Variants in MGAM observed in about 807,000 individuals in gnomAD.
MGAM encodes alpha-1,4-glucosidase.
A neutral mutation model predicts 358.8 loss-of-function variants in MGAM; 253 were observed. That is an observed-to-expected ratio of 0.71 (90% confidence interval 0.64 to 0.78). The LOEUF (loss-of-function observed/expected upper bound fraction) is 0.78, where lower values mean the gene tolerates loss of function less well. MGAM is among the 30% of genes least tolerant of loss of function. The pLI is 0.00. For synonymous variants in MGAM, 1,105 were observed against 1,227.1 expected (o/e 0.90, Z 2.08); for missense variants, 3,080 against 3,432.6 (o/e 0.90, Z 2.57).
chr7:142,088,870 TA>T (rs756566116), intron 57 of MGAM, among the ~76,000 whole-genome samples: 7 of 135,662 alleles, frequency 5.2e-5, no homozygotes, highest in African/African-American at 1.3e-4. Flanking sequence ...TCTATCTATC[TA>T]ATCTATCTCC....
chr7:142,038,999 A>C (rs141887646), intron 19 of MGAM, among the ~76,000 whole-genome samples: 225 of 151,682 alleles, frequency 1.5e-3, no homozygotes, highest in Non-Finnish European at 2.6e-3. Flanking sequence ...TGCAGCTTCT[A>C]GGGAGGCCTC....
In MGAM at chr7:142,092,632, T is replaced by C. The variant is rs780457774; in HGVS notation, c.7033+24T>C. The C allele has an allele frequency of 2.5e-5, 38 of 1,503,508 alleles. 2 individuals are homozygous for C. The highest frequency in any genetic ancestry group is 3.3e-5 in the Non-Finnish European group (36 of 1,098,018). The allele number at this position is 1,503,508 out of a possible 1,614,324, so 93.1% of individuals were successfully genotyped here. On this transcript the variant is annotated intron_variant, in intron 59 of 70. Coordinates refer to ENST00000475668, the MANE Select transcript of MGAM (RefSeq NM_001365693.1). Reference sequence around the variant, plus strand: ...GTGTAAGAATCCTTGGCCTTCTTGATTGGCAGAGCCATGATTGAAAGAAGG... The same window carrying C: ...GTGTAAGAATCCTTGGCCTTCTTGACTGGCAGAGCCATGATTGAAAGAAGG...
intron 29 of MGAM, among the ~76,000 whole-genome samples, chr7:142,056,541 C>G (rs1418938171): frequency 1.3e-5 from 2 of 151,976 alleles, no homozygotes; most frequent in East Asian, 3.9e-4. Context: ...ATGTAAGGAA[C>G]CTGAACAGGT....
In MGAM at chr7:142,082,085, A is replaced by T. The variant is rs770076071; in HGVS notation, c.6046A>T (p.Ile2016Phe). 1 of 1,555,706 alleles carries T rather than the reference A, an allele frequency of 6.4e-7. No individual in the cohort carries two copies. Among genetic ancestry groups the T allele is most frequent in the Non-Finnish European group, 8.8e-7 (1 of 1,132,380 alleles). ...LLGFTFNDMF[I>F]RISTRLPSKY... is the part of the protein sequence containing the mutation. ...TGGCTTCACCTTCAATGACATGTTT[A>T]TCCGCATCTCCACCCGCCTTCCCTC... The change falls in exon 51 of 71, where the codon ATC becomes TTC. Residue 2016 changes from isoleucine to phenylalanine, a missense_variant. By Grantham distance (21) the Ile-to-Phe change is conservative. Around this residue, in one of 5 missense-constraint regions of MGAM, gnomAD observed 932 missense variants for 1,198.2 expected, o/e 0.78. Coordinates refer to ENST00000475668, the MANE Select transcript of MGAM (RefSeq NM_001365693.1).
At position 142,082,031 on chromosome 7, in the gene MGAM, T is replaced by C. The variant is rs764991822; in HGVS notation, c.6003-11T>C. 55 of 1,554,270 alleles carry C rather than the reference T, an allele frequency of 3.5e-5. 7 individuals carry two copies. The highest frequency in any genetic ancestry group is 4.5e-5 in the Non-Finnish European group (51 of 1,131,694). On this transcript the variant is annotated splice_polypyrimidine_tract_variant and intron_variant, in intron 50 of 70. Transcript: ENST00000475668. ...CATTTTCTGTTTCAAATCTGCCTTT[T>C]TGTGTTTCAGTTGGGACTCTCAGCT...
At chr7:142,040,418 A>T (rs1808404122) in intron 20 of MGAM, 1 of 584,130 alleles carries the variant, frequency 1.7e-6, no homozygotes, top group Non-Finnish European at 3.0e-6. Context: ...TATCTCATAA[A>T]TTAATATTGG....
chr7:142,048,429 T>G (rs1237100372), intron 22 of MGAM, among the ~76,000 whole-genome samples: 4 of 151,916 alleles, frequency 2.6e-5, no homozygotes, highest in African/African-American at 7.2e-5. Context: ...ATTACAGGCA[T>G]GAGCCACCAT....
chr7:142,078,942 T>C lies in MGAM; in HGVS notation c.5781T>C (p.Pro1927=), dbSNP rs2961090. The change falls in exon 49 of 71, where the codon CCT becomes CCC. Residue 1927 remains proline (P), a synonymous_variant. Transcript: ENST00000475668. ...LKSSVHANAF[P]STPVNPLRLD... is the part of the protein sequence containing the mutation. ...CTTCTGTTCATGCCAATGCCTTCCC[T>C]TCCACACCCGTGAACCCCCTTCGCC... 25 of 1,555,958 alleles carry C rather than the reference T, an allele frequency of 1.6e-5. 5 individuals carry two copies. Among genetic ancestry groups the C allele is most frequent in the Admixed American group, 6.8e-5 (4 of 58,400 alleles).
chr7:142,032,879 A>G lies in MGAM; in HGVS notation c.1639A>G (p.Asn547Asp), dbSNP rs1554464323. The change falls in exon 14 of 71, where the codon AAC (asparagine) becomes GAC (aspartate). Residue 547 changes from asparagine (N) to aspartate (D), a missense_variant. Transcript: ENST00000475668. ...VDGSVSGCST[N>D]NLNNPPFTPR... ...TGGTTCGGTCTCAGGATGTTCCACA[A>G]ACAACCTAAATAATCCCCCATTCAC... 6.2e-7 allele frequency: 1 copy of G among 1,611,084 alleles called. No individual in the cohort carries two copies. Among genetic ancestry groups the G allele is most frequent in the Non-Finnish European group, 8.5e-7 (1 of 1,178,364 alleles).
intron 57 of MGAM, among the ~76,000 whole-genome samples, chr7:142,089,661 C>T (rs1030420684): frequency 2.1e-5 from 3 of 145,096 alleles, no homozygotes; most frequent in Admixed American, 6.9e-5. Context: ...CGTGGTGGCA[C>T]GCGCCTGTAA....
At position 142,066,773 on chromosome 7, in the gene MGAM, A is replaced by G. The variant is rs547134970; in HGVS notation, c.4919+52A>G. 70 of 1,517,366 alleles carry G rather than the reference A, an allele frequency of 4.6e-5. 7 individuals are homozygous for G. In the Admixed American group the frequency reaches 9.7e-4, roughly 21 times the overall value. 94.0% of individuals were successfully genotyped at this position (1,517,366 alleles called of 1,614,324 possible). On this transcript the variant is annotated intron_variant, in intron 41 of 70. Coordinates refer to ENST00000475668, the MANE Select transcript of MGAM (RefSeq NM_001365693.1). ...ACTAATGGATGACTTATTGCATTCT[A>G]TGTGGTAGCAGTTGATATACACAAC...
Position 142,064,384 on chromosome 7 carries a change from A to G in MGAM, c.4346A>G (p.His1449Arg), listed in dbSNP as rs1379475063. The G allele has an allele frequency of 6.2e-7, 1 of 1,607,150 alleles. No individual in the cohort carries two copies. The highest frequency in any genetic ancestry group is 2.2e-5 in the East Asian group (1 of 44,660). ...CACCTCGCCAGTTCTTCCTCCTCAG[A>G]TTTGGAGTCCAGGGACAGGGGCCTG... is the stretch of plus-strand genomic sequence containing the variant. ...ASLNHPPYMP[H>R]LESRDRGLSS... The change falls in exon 37 of 71, where the codon CAT becomes CGT. Residue 1449 changes from histidine (H) to arginine (R), a missense_variant and splice_region_variant. Coordinates refer to ENST00000475668, the MANE Select transcript of MGAM (RefSeq NM_001365693.1).
rs966346783 is a variant in MGAM, at chr7:142,103,419, A to G, written c.8164A>G (p.Asn2722Asp). The change falls in exon 70 of 71, where the codon AAC becomes GAC. Residue 2722 changes from asparagine (N) to aspartate (D), a missense_variant. This residue lies in a region of MGAM where 194 missense variants were observed against 172.8 expected (regional missense o/e 1.12). Coordinates refer to ENST00000475668, the MANE Select transcript of MGAM (RefSeq NM_001365693.1). ...TGGCATGGTCATAACACCCTCCTTC[A>G]ACAATGACCCCACGACACAGGTTTG... ...VSGMVITPSFNNDPTTQVLSI... is the reference protein window; with the variant it reads ...VSGMVITPSFDNDPTTQVLSI... The G allele has an allele frequency of 3.7e-6, 6 of 1,605,944 alleles. No individual in the cohort carries two copies. The African/African-American group carries it at 8.1e-5, about 22-fold the overall frequency.
At chr7:142,087,209 C>T (rs1192143174) in intron 57 of MGAM, among the ~76,000 whole-genome samples, 1 of 144,232 alleles carries the variant, frequency 6.9e-6, no homozygotes, top group Non-Finnish European at 1.6e-5. Context: ...CTTATAATTC[C>T]TCCTCTGAGC....
At chr7:142,070,331 C>T (rs1231212853) in intron 43 of MGAM, among the ~76,000 whole-genome samples, 13 of 146,232 alleles carry the variant, frequency 8.9e-5, no homozygotes, top group African/African-American at 3.2e-4. Flanking sequence ...CATTCTAGAG[C>T]ACAAGCTGGC....
Position 142,044,284 on chromosome 7 carries a change from C to T in MGAM, c.2498+3438C>T, listed in dbSNP as rs1202109775. 5.2e-5 allele frequency among the ~76,000 whole-genome samples: 4 copies of T among 77,320 alleles called. 1 individual carries two copies. The highest frequency in any genetic ancestry group is 1.3e-4 in the Non-Finnish European group (4 of 31,774). 50.7% of individuals were successfully genotyped at this position (77,320 alleles called of 152,430 possible). A position where few individuals can be genotyped will look rare whatever the true frequency, so the allele number is the denominator to read the frequency against. Reference sequence around the variant, plus strand: ...ATAATATATACATTATATACACATACGACATATAATATATACTATATATAA... The same window carrying T: ...ATAATATATACATTATATACACATATGACATATAATATATACTATATATAA... On this transcript the variant is annotated intron_variant, in intron 21 of 70. Transcript: ENST00000475668.
chr7:142,069,294 C>T (rs1813127715), intron 43 of MGAM, among the ~76,000 whole-genome samples: 1 of 145,782 alleles, frequency 6.9e-6, no homozygotes, highest in African/African-American at 2.4e-5. Flanking sequence ...CAATGAAGAG[C>T]TCCTTGCCGC....
Position 142,067,232 on chromosome 7 carries a change from C to G in MGAM, c.4920-109C>G. 3.0e-6 allele frequency: 3 copies of G among 1,006,140 alleles called. 1 individual carries two copies. The Admixed American group carries it at 6.1e-5, about 20-fold the overall frequency. 62.3% of individuals were successfully genotyped at this position (1,006,140 alleles called of 1,614,324 possible). On this transcript the variant is annotated intron_variant, in intron 41 of 70. Transcript: ENST00000475668. ...AGGCCTAGGAACAAAGCAAGGATGG[C>G]TCAGGGGCAGCTGTATTTCCGACTT...
chr7:142,038,721 T>C lies in MGAM; in HGVS notation c.2316+106T>C, dbSNP rs965242040. ...CAAACTCACTTCTGACATCTGTGAC[T>C]GAGTCAGCCTTGAAGAGAGTGTGCT... On this transcript the variant is annotated intron_variant, in intron 19 of 70. Transcript: ENST00000475668. 14 of 780,416 alleles carry C rather than the reference T, an allele frequency of 1.8e-5. No homozygotes were observed. The African/African-American group carries it at 2.3e-4, about 13-fold the overall frequency. The allele number at this position is 780,416 out of a possible 1,614,324, so 48.3% of individuals were successfully genotyped here.
Sources: gnomAD v4.1 joint callset for allele counts (sites outside exome capture counted in the v4.1 genomes callset) on GRCh38, gnomAD v4.1.1 for gene constraint, gnomAD v4.1.1 regional missense constraint, MANE v1.5 for transcripts, NCBI Gene and HGNC (gene_info 2026-07-23, HGNC 2026-07-21) for gene names.